Variants in RC3H1 observed in about 807,000 individuals in gnomAD.
RC3H1 encodes the protein roquin-1.
A neutral mutation model predicts 138.2 loss-of-function variants in RC3H1; 50 were observed. The ratio of observed to expected loss-of-function variants is 0.36; its 90% CI spans 0.29 to 0.46. RC3H1 has a LOEUF of 0.46. Among genes scored for constraint, RC3H1 ranks in the 20% least tolerant of loss-of-function variants. RC3H1 has a pLI of 1.00. For synonymous variants in RC3H1, 462 were observed against 489.1 expected (o/e 0.94, Z 0.73); for missense variants, 1,031 against 1,388.1 (o/e 0.74, Z 4.09).
chr1:173,960,642 G>C (rs1048495941), intron 13 of RC3H1, among the ~76,000 whole-genome samples: 1 of 152,110 alleles, frequency 6.6e-6, no homozygotes, highest in Non-Finnish European at 1.5e-5. Context: ...GGAAATCAAC[G>C]TGCTGATTCT....
At chr1:174,002,983 C>G (rs916821608) in intron 1 of RC3H1, among the ~76,000 whole-genome samples, 1 of 152,164 alleles carries the variant, frequency 6.6e-6, no homozygotes, top group Non-Finnish European at 1.5e-5. Context: ...CTTCTGAGTG[C>G]CAGGGCCATA....
At chr1:173,993,233 TACC>T (rs1408270083) in intron 1 of RC3H1, 98 bp from the exon 2 acceptor site, 3 of 479,430 alleles carry the variant, frequency 6.3e-6, no homozygotes, top group East Asian at 3.6e-5. Flanking sequence ...CAACTTTTTA[TACC>T]ACATTTGTAT....
At chr1:174,006,892 A>G (rs1180407718) in intron 1 of RC3H1, among the ~76,000 whole-genome samples, 1 of 152,188 alleles carries the variant, frequency 6.6e-6, no homozygotes, top group East Asian at 1.9e-4. Context: ...TTTAAGATGA[A>G]GTATAACATA....
At chr1:173,999,834 T>C (rs1557951084) in intron 1 of RC3H1, among the ~76,000 whole-genome samples, 1 of 152,218 alleles carries the variant, frequency 6.6e-6, no homozygotes, top group African/African-American at 2.4e-5. Flanking sequence ...AGTAACACTG[T>C]AATGTAGTTA....
intron 1 of RC3H1, among the ~76,000 whole-genome samples, chr1:173,995,362 C>T (rs1324738093): frequency 3.3e-5 from 5 of 151,452 alleles, no homozygotes; most frequent in East Asian, 3.9e-4. Context: ...GGAGAAACCC[C>T]GTCTCTACTA....
At position 174,010,180 on chromosome 1, in the gene RC3H1, G is replaced by A. The variant is rs1226869179; in HGVS notation, c.-151+11916C>T. On this transcript the variant is annotated intron_variant, in intron 1 of 19. Coordinates refer to ENST00000367696, the MANE Select transcript of RC3H1 (RefSeq NM_172071.4). ...TTCCATAAATATACATACCTACTGT[G>A]TACCCACAAAAATTAAAAATAAGTA... Among the ~76,000 whole-genome samples, 7 of 151,024 alleles carry A rather than the reference G, an allele frequency of 4.6e-5. No individual in the cohort carries two copies. In the East Asian group the frequency reaches 7.8e-4, roughly 17 times the overall value.
intron 2 of RC3H1, among the ~76,000 whole-genome samples, chr1:173,990,642 G>A (rs898562139): frequency 5.3e-5 from 8 of 150,400 alleles, no homozygotes; most frequent in Non-Finnish European, 1.2e-4. Context: ...GTGCGATCTC[G>A]GCTCACTGCA....
At chr1:173,966,398 C>A (rs1189196540) in intron 9 of RC3H1, among the ~76,000 whole-genome samples, 4 of 152,084 alleles carry the variant, frequency 2.6e-5, no homozygotes, top group Admixed American at 6.5e-5. Flanking sequence ...CCATTTACAA[C>A]TGCTAATGCA....
In RC3H1 at chr1:173,964,843, C is replaced by A; in HGVS notation, c.1612G>T (p.Asp538Tyr). ...LSSSAPGSPP[D>Y]LLESVPKSIS... ...AGAGTTAGAAAAATGACGTACAGGTCAGGAGGGGATCCAGGAGCACTACTG... is the reference window on the plus strand; with the variant it reads ...AGAGTTAGAAAAATGACGTACAGGTAAGGAGGGGATCCAGGAGCACTACTG... Residue 538 changes from aspartate to tyrosine, a missense_variant, in exon 10 of 20, where the codon GAC (aspartate) becomes TAC (tyrosine). Transcript: ENST00000367696. 2 of 1,613,550 alleles carry A rather than the reference C, an allele frequency of 1.2e-6. No individual in the cohort carries two copies. The highest frequency in any genetic ancestry group is 1.7e-6 in the Non-Finnish European group (2 of 1,179,794).
At chr1:173,957,485 T>C (rs895226651) in intron 13 of RC3H1, among the ~76,000 whole-genome samples, 2 of 152,214 alleles carry the variant, frequency 1.3e-5, no homozygotes, top group Admixed American at 1.3e-4. Context: ...TAAAACAATA[T>C]GGCATAACAA....
chr1:173,958,151 A>T (rs1183746936), intron 13 of RC3H1, among the ~76,000 whole-genome samples: 1 of 152,098 alleles, frequency 6.6e-6, no homozygotes, highest in African/African-American at 2.4e-5. Context: ...TATCAACTGT[A>T]ATCCTGAGAA....
At chr1:173,946,400 G>T in intron 17 of RC3H1, 76 bp downstream of exon 17, 1 of 1,408,668 alleles carries the variant, frequency 7.1e-7, no homozygotes, top group Non-Finnish European at 9.7e-7. Flanking sequence ...TTTGTTCACA[G>T]TGCCTCAAAA....
intron 1 of RC3H1, among the ~76,000 whole-genome samples, chr1:173,999,618 GA>G (rs1661527961): frequency 6.6e-6 from 1 of 152,178 alleles, no homozygotes; most frequent in Non-Finnish European, 1.5e-5. Flanking sequence ...ACAAAATTGT[GA>G]TGACATGATG....
chr1:173,958,421 T>G (rs532362488), intron 13 of RC3H1, among the ~76,000 whole-genome samples: 38 of 152,072 alleles, frequency 2.5e-4, no homozygotes, highest in African/African-American at 8.9e-4. Context: ...GGCACATGCC[T>G]ATAATACCAG....
intron 1 of RC3H1, among the ~76,000 whole-genome samples, chr1:173,999,726 C>A (rs1050487603): frequency 2.0e-5 from 3 of 152,190 alleles, no homozygotes; most frequent in African/African-American, 2.4e-5. Flanking sequence ...ATTTAAATAT[C>A]CACAATGTGG....
At chr1:173,952,524 C>T (rs940079517) in intron 13 of RC3H1, among the ~76,000 whole-genome samples, 3 of 151,894 alleles carry the variant, frequency 2.0e-5, no homozygotes, top group Admixed American at 1.3e-4. Flanking sequence ...TGTACCAAGC[C>T]ATAGTTTTGC....
chr1:174,000,624 C>A (rs976594790), intron 1 of RC3H1, among the ~76,000 whole-genome samples: 1 of 152,138 alleles, frequency 6.6e-6, no homozygotes, highest in East Asian at 1.9e-4. Flanking sequence ...CCACTATGCC[C>A]GATGAGATGA....
rs192501322 is a variant in RC3H1, at chr1:173,999,594, A to G, written c.-150-6459T>C. Among the ~76,000 whole-genome samples, 30 of 152,314 alleles carry G rather than the reference A, an allele frequency of 2.0e-4. 1 individual carries two copies. The highest frequency in any genetic ancestry group is 1.8e-3 in the Admixed American group (27 of 15,300). On this transcript the variant is annotated intron_variant, in intron 1 of 19. Coordinates refer to ENST00000367696, the MANE Select transcript of RC3H1 (RefSeq NM_172071.4). ...TTTAAGTATGATTAAAACATTGTCAATGAGCAACTACAGACAAAATTGTGA... is the reference window on the plus strand; with the variant it reads ...TTTAAGTATGATTAAAACATTGTCAGTGAGCAACTACAGACAAAATTGTGA...
intron 17 of RC3H1, among the ~76,000 whole-genome samples, chr1:173,945,135 T>A (rs887172288): frequency 1.3e-5 from 2 of 151,780 alleles, no homozygotes; most frequent in African/African-American, 4.8e-5. Context: ...CTTTTTTTTT[T>A]TTTTTTGAGA....
Sources: gnomAD v4.1 joint callset for allele counts (sites outside exome capture counted in the v4.1 genomes callset) on GRCh38, gnomAD v4.1.1 for gene constraint, MANE v1.5 for transcripts, NCBI Gene and HGNC (gene_info 2026-07-23, HGNC 2026-07-21) for gene names.